CPED1: variants seen among roughly 807,000 people sequenced by gnomAD.
CPED1 encodes the protein cadherin-like and PC-esterase domain-containing protein 1.
CPED1 carries 114 observed loss-of-function variants against 128.2 expected under a neutral mutation model. That is an observed-to-expected ratio of 0.89 (90% CI 0.76 to 1.04). The LOEUF (loss-of-function observed/expected upper bound fraction) is 1.04. Among genes scored for constraint, CPED1 ranks in the 50% least tolerant of loss-of-function variants. CPED1 has a pLI of 0.00. For missense variants in CPED1, 1,211 were observed against 1,207.1 expected, an observed-to-expected ratio of 1.00 and a Z score of -0.05; for synonymous variants, 462 against 426.7, an observed-to-expected ratio of 1.08 and a Z score of -1.02.
intron 5 of CPED1, among the ~76,000 whole-genome samples, chr7:121,074,844 C>A (rs1794082298): frequency 6.6e-6 from 1 of 152,136 alleles, no homozygotes; most frequent in South Asian, 2.1e-4. Flanking sequence ...CACATAAAAG[C>A]TGCATTTTCA....
intron 17 of CPED1, among the ~76,000 whole-genome samples, chr7:121,237,512 A>AGAT (rs1798286405): frequency 6.6e-6 from 1 of 152,160 alleles, no homozygotes; most frequent in Non-Finnish European, 1.5e-5. Context: ...AACTAGAATG[A>AGAT]GATACATCTT....
At chr7:121,062,389 A>G (rs1793695848) in intron 4 of CPED1, among the ~76,000 whole-genome samples, 1 of 152,214 alleles carries the variant, frequency 6.6e-6, no homozygotes, top group Non-Finnish European at 1.5e-5. Context: ...TTACAACACT[A>G]CATTGTAAAA....
chr7:121,005,559 G>C (rs1372261949), intron 2 of CPED1, among the ~76,000 whole-genome samples: 14 of 152,026 alleles, frequency 9.2e-5, no homozygotes, highest in Non-Finnish European at 1.5e-5. Context: ...GTAGATGACT[G>C]TTTGGGTACA....
At chr7:121,091,686 C>T (rs1012294531) in intron 5 of CPED1, among the ~76,000 whole-genome samples, 2 of 152,172 alleles carry the variant, frequency 1.3e-5, no homozygotes, top group Non-Finnish European at 2.9e-5. Context: ...TCAGCATCCA[C>T]ATGAGGTAAG....
At chr7:121,247,342 A>G (rs1252962716) in intron 18 of CPED1, among the ~76,000 whole-genome samples, 5 of 152,200 alleles carry the variant, frequency 3.3e-5, no homozygotes, top group Admixed American at 2.6e-4. Context: ...ATAAAAATAC[A>G]GGATCCTGTG....
At chr7:121,060,782 C>G (rs548317327) in intron 4 of CPED1, among the ~76,000 whole-genome samples, 2 of 151,966 alleles carry the variant, frequency 1.3e-5, no homozygotes, top group African/African-American at 4.8e-5. Flanking sequence ...GCAGTGGCAA[C>G]CCGCTCCGGT....
chr7:121,055,561 T>C (rs1376677960), intron 4 of CPED1, among the ~76,000 whole-genome samples: 1 of 150,688 alleles, frequency 6.6e-6, no homozygotes, highest in Non-Finnish European at 1.5e-5. Flanking sequence ...ACATAAAATA[T>C]AATTATATGT....
chr7:121,001,998 CAT>C (rs903034460), intron 2 of CPED1, among the ~76,000 whole-genome samples: 4 of 151,586 alleles, frequency 2.6e-5, no homozygotes, highest in African/African-American at 7.3e-5. Flanking sequence ...CACACACACA[CAT>C]ATATATATAT....
At chr7:121,059,663 C>T (rs1029980663) in intron 4 of CPED1, among the ~76,000 whole-genome samples, 1 of 149,554 alleles carries the variant, frequency 6.7e-6, no homozygotes, top group Non-Finnish European at 1.5e-5. Flanking sequence ...AATTTATAAG[C>T]ACTCCATAAA....
At chr7:121,090,634 T>C (rs2116184101) in intron 5 of CPED1, among the ~76,000 whole-genome samples, 1 of 152,242 alleles carries the variant, frequency 6.6e-6, no homozygotes, top group East Asian at 1.9e-4. Flanking sequence ...TTGCATAAAA[T>C]AAAAGTAAAA....
Position 121,015,783 on chromosome 7 carries a change from G to A in CPED1, c.368G>A (p.Gly123Asp), listed in dbSNP as rs766526271. The change falls in exon 3 of 23, where the codon GGC becomes GAC. Residue 123 changes from glycine to aspartate, a missense_variant. Gly to Asp is a moderately conservative substitution (Grantham distance 94, BLOSUM62 -1). Coordinates refer to ENST00000310396, the MANE Select transcript of CPED1 (RefSeq NM_024913.5). ...QLHQHILTQH[G>D]YTVVIAEERL... The stretch of plus-strand genomic sequence containing the variant: ...CACCAGCACATTCTGACTCAACATG[G>A]CTATACGGTTGTCATCGCTGAAGAA... 9 of 1,607,930 alleles carry A rather than the reference G, an allele frequency of 5.6e-6. No individual in the cohort carries two copies. Among genetic ancestry groups the A allele is most frequent in the Non-Finnish European group, 7.6e-6 (9 of 1,177,942 alleles).
chr7:121,198,024 T>C (rs1381351442), intron 16 of CPED1, among the ~76,000 whole-genome samples: 1 of 152,156 alleles, frequency 6.6e-6, no homozygotes, highest in Non-Finnish European at 1.5e-5. Flanking sequence ...TGTTTCAAAG[T>C]TTAAGTCTAA....
At chr7:121,231,325 CTTA>C (rs1798135641) in intron 16 of CPED1, among the ~76,000 whole-genome samples, 1 of 152,016 alleles carries the variant, frequency 6.6e-6, no homozygotes, top group Admixed American at 6.6e-5. Flanking sequence ...GCATGGTTGT[CTTA>C]TTGTCAGCAC....
chr7:121,034,084 C>T (rs1013162973), intron 3 of CPED1, among the ~76,000 whole-genome samples: 48 of 151,900 alleles, frequency 3.2e-4, no homozygotes, highest in Admixed American at 3.1e-3. Context: ...ACACTAAAAC[C>T]GCTTTTGCTG....
chr7:121,077,118 T>C (rs1369568186), intron 5 of CPED1, among the ~76,000 whole-genome samples: 4 of 152,122 alleles, frequency 2.6e-5, no homozygotes, highest in African/African-American at 7.2e-5. Flanking sequence ...CTGAAAATAA[T>C]GACTCCAGAT....
chr7:121,120,273 C>T (rs1795353064), intron 7 of CPED1, among the ~76,000 whole-genome samples: 1 of 152,162 alleles, frequency 6.6e-6, no homozygotes, highest in Non-Finnish European at 1.5e-5. Flanking sequence ...CATCAAAGCA[C>T]AAGGATTCCA....
At chr7:121,126,669 A>G (rs1387368750) in intron 9 of CPED1, among the ~76,000 whole-genome samples, 2 of 152,122 alleles carry the variant, frequency 1.3e-5, no homozygotes, top group Non-Finnish European at 2.9e-5. Flanking sequence ...AATAATTCCA[A>G]GATTTCTCCA....
rs368561515 is a variant in CPED1, at chr7:121,015,644, T to A, written c.250-21T>A. ...AATGTACTACTTTTTTATATTGAAT[T>A]TTTATGCCTTCTTTTCTTAGGTCAA... is the stretch of plus-strand genomic sequence containing the variant. On this transcript the variant is annotated intron_variant, in intron 2 of 22. Coordinates refer to ENST00000310396, the MANE Select transcript of CPED1 (RefSeq NM_024913.5). 37 of 1,587,918 alleles carry A rather than the reference T, an allele frequency of 2.3e-5. No individual in the cohort carries two copies. In the African/African-American group the frequency reaches 4.5e-4, roughly 19 times the overall value.
intron 5 of CPED1, among the ~76,000 whole-genome samples, chr7:121,091,725 A>G (rs1315661126): frequency 6.6e-6 from 1 of 152,114 alleles, no homozygotes; most frequent in African/African-American, 2.4e-5. Context: ...TTATTATTCT[A>G]ATTTTCCAGA....
Sources: gnomAD v4.1 joint callset for allele counts (sites outside exome capture counted in the v4.1 genomes callset) on GRCh38, gnomAD v4.1.1 for gene constraint, MANE v1.5 for transcripts, NCBI Gene and HGNC (gene_info 2026-07-23, HGNC 2026-07-21) for gene names.